The following LAMA5 variants were observed in gnomAD, a reference collection of about 807,000 sequenced individuals.
LAMA5 encodes the protein laminin subunit alpha 5.
Under a neutral mutation model 433.4 loss-of-function variants are expected in LAMA5, and 260 were observed. That is an observed-to-expected ratio of 0.60 (90% CI 0.54 to 0.66). LAMA5 has a LOEUF of 0.66. Among genes scored for constraint, LAMA5 ranks in the 30% least tolerant of loss-of-function variants. The pLI, the probability that LAMA5 is intolerant of heterozygous loss-of-function variation, is 0.00. For missense variants in LAMA5, 5,378 were observed against 5,258.5 expected, an observed-to-expected ratio of 1.02 and a Z score of -0.70; for synonymous variants, 2,620 against 2,226.6, an observed-to-expected ratio of 1.18 and a Z score of -4.97.
chr20:62,319,278 C>T (rs770471306), intron 51 of LAMA5, among the ~76,000 whole-genome samples: 38 of 152,160 alleles, frequency 2.5e-4, no homozygotes, highest in Non-Finnish European at 4.6e-4. Flanking sequence ...CCCCTCTCCG[C>T]CTGGCCCACC....
chr20:62,332,493 G>A lies in LAMA5; in HGVS notation c.3444-13C>T, dbSNP rs1406510380. ...CCGGCACAGGGTGCTGTGGGGGGAG[G>A]GTGGTCAGCAGGTGGGGCAGCCCCG... On this transcript the variant is annotated splice_polypyrimidine_tract_variant and intron_variant, in intron 27 of 79. Coordinates refer to ENST00000252999, the MANE Select transcript of LAMA5 (RefSeq NM_005560.6). The A allele has an allele frequency of 1.2e-6, 2 of 1,610,998 alleles. No homozygotes were observed. The highest frequency in any genetic ancestry group is 1.1e-5 in the South Asian group (1 of 91,006).
At chr20:62,321,075 A>AGATGGGAGT (rs1458388288) in intron 48 of LAMA5, among the ~76,000 whole-genome samples, 185 bp from the exon 49 acceptor site, 2 of 146,948 alleles carry the variant, frequency 1.4e-5, no homozygotes, top group South Asian at 2.2e-4. Context: ...GGTAGGAGTC[A>AGATGGGAGT]GATGGGAGTG....
chr20:62,324,442 A>G lies in LAMA5; in HGVS notation c.5642T>C (p.Val1881Ala). Residue 1881 changes from valine to alanine, a missense_variant and splice_region_variant, in exon 42 of 80, where the codon GTG (valine) becomes GCG (alanine). Coordinates refer to ENST00000252999, the MANE Select transcript of LAMA5 (RefSeq NM_005560.6). The surrounding 1 kb of genome is among the most constrained non-coding windows in gnomAD (Gnocchi z 4.4). ...DRCLPGSGVC[V>A]DCQHNTEGAH... ...CTGGCCCCACCAGCCCCTACTCACC[A>G]CACAGACGCCAGAGCCAGGGAGGCA... 6.2e-7 allele frequency: 1 copy of G among 1,609,954 alleles called. No homozygotes were observed. The highest frequency in any genetic ancestry group is 1.3e-5 in the African/African-American group (1 of 74,948).
chr20:62,346,892 T>C, intron 7 of LAMA5, 21 bp downstream of exon 7: 3 of 1,609,248 alleles, frequency 1.9e-6, no homozygotes, highest in Non-Finnish European at 2.5e-6. Context: ...AGGACACACG[T>C]GTGTGGGAGG....
rs1299677491 is a variant in LAMA5, at chr20:62,325,239, G to A, written c.5529+77C>T. The A allele has an allele frequency of 6.3e-6, 6 of 955,334 alleles. No homozygotes were observed. The South Asian group carries it at 1.0e-4, about 17-fold the overall frequency. 59.2% of individuals were successfully genotyped at this position (955,334 alleles called of 1,614,324 possible). On this transcript the variant is annotated intron_variant, in intron 41 of 79. Coordinates refer to ENST00000252999, the MANE Select transcript of LAMA5 (RefSeq NM_005560.6). ...ACAGGAAGTGGAGGCAGCAAGGAAG[G>A]GAACACAGGGAGGATGCTGGAGGGA...
At chr20:62,331,444 G>A (rs940540639) in intron 28 of LAMA5, among the ~76,000 whole-genome samples, 2 of 152,014 alleles carry the variant, frequency 1.3e-5, no homozygotes, top group East Asian at 1.9e-4. Context: ...AACCCCAACC[G>A]CAGACCAGCG....
At chr20:62,360,238 T>G (rs2146353571) in intron 2 of LAMA5, among the ~76,000 whole-genome samples, 1 of 131,362 alleles carries the variant, frequency 7.6e-6, no homozygotes, top group African/African-American at 2.9e-5. Flanking sequence ...ACGGTGCAGG[T>G]GTGGAGGGAG....
In LAMA5 at chr20:62,337,788, C is replaced by T. The variant is rs1472702532; in HGVS notation, c.2026+16G>A. 3 of 1,610,812 alleles carry T rather than the reference C, an allele frequency of 1.9e-6. No homozygotes were observed. Among genetic ancestry groups the T allele is most frequent in the Admixed American group, 3.3e-5 (2 of 59,938 alleles). On this transcript the variant is annotated intron_variant, in intron 15 of 79. Transcript: ENST00000252999. ...ACTGCACCTGCCTCCCCACCACTTCCTCCCTAGGCACTCACGGACACAGCT... is the reference window on the plus strand; with the variant it reads ...ACTGCACCTGCCTCCCCACCACTTCTTCCCTAGGCACTCACGGACACAGCT...
At position 62,347,033 on chromosome 20, in the gene LAMA5, G is replaced by C. The variant is rs1253236070; in HGVS notation, c.957-5C>G. The C allele has an allele frequency of 1.2e-6, 2 of 1,608,290 alleles. No individual in the cohort carries two copies. The highest frequency in any genetic ancestry group is 1.7e-6 in the Non-Finnish European group (2 of 1,177,838). ...TGCTGGCAGGTGCACTGCAGCCTGTGGGGTACACAGGAGGGGGGATCAGGC... is the reference window on the plus strand; with the variant it reads ...TGCTGGCAGGTGCACTGCAGCCTGTCGGGTACACAGGAGGGGGGATCAGGC... On this transcript the variant is annotated splice_polypyrimidine_tract_variant and splice_region_variant and intron_variant, in intron 6 of 79. Transcript: ENST00000252999.
In LAMA5 at chr20:62,317,787, A is replaced by G; in HGVS notation, c.7240-9T>C. The G allele has an allele frequency of 6.4e-7, 1 of 1,561,156 alleles. No homozygotes were observed. The highest frequency in any genetic ancestry group is 1.8e-4 in the Middle Eastern group (1 of 5,458). On this transcript the variant is annotated splice_polypyrimidine_tract_variant and intron_variant, in intron 53 of 79. Transcript: ENST00000252999. ...AGCTCCTGCTTCCTTTGCTGAAGGC[A>G]ATGCAGGGGAGTTGGGGACAATGAG...
chr20:62,318,847 C>T lies in LAMA5; in HGVS notation c.7038G>A (p.Gln2346=). ...GCCAGGGACAACACCACTCACATCT[C>T]TGTGCTGCAGCCAACTCAGCCTCAG... is the stretch of plus-strand genomic sequence containing the variant. The part of the protein sequence containing the change: ...AAAEAELAAA[Q]RLLARVQEQL... The change falls in exon 52 of 80, where the codon CAG becomes CAA. Residue 2346 remains glutamine, a synonymous_variant. Transcript: ENST00000252999. The T allele has an allele frequency of 6.2e-7, 1 of 1,610,248 alleles. No homozygotes were observed. Among genetic ancestry groups the T allele is most frequent in the East Asian group, 2.2e-5 (1 of 44,858 alleles).
At chr20:62,309,627 G>GGGGGGGA (rs1425895018) in intron 79 of LAMA5, 89 bp downstream of exon 79, 3 of 525,406 alleles carry the variant, frequency 5.7e-6, no homozygotes, top group East Asian at 4.3e-5. Context: ...GAGGGGGCAG[G>GGGGGGGA]GGGTGGAGGG....
In LAMA5 at chr20:62,346,191, G is replaced by A. The variant is rs969397741; in HGVS notation, c.1307C>T (p.Thr436Met). The A allele has an allele frequency of 7.4e-6, 12 of 1,612,178 alleles. No homozygotes were observed. Among genetic ancestry groups the A allele is most frequent in the East Asian group, 2.2e-5 (1 of 44,846 alleles). The part of the protein sequence containing the change: ...CRRCNCESDF[T>M]DGTCEDLTGR... The stretch of plus-strand genomic sequence containing the variant: ...CGTCAGGTCCTCGCAGGTGCCATCC[G>A]TGAAGTCGGACTCGCAGTTGCAGCC... Residue 436 changes from threonine (T) to methionine (M), a missense_variant, in exon 10 of 80, where the codon ACG becomes ATG. By Grantham distance (81) the Thr-to-Met change is moderately conservative. Transcript: ENST00000252999.
In LAMA5 at chr20:62,309,990, G is replaced by A. The variant is rs769109807; in HGVS notation, c.10826C>T (p.Ala3609Val). The A allele has an allele frequency of 3.2e-5, 52 of 1,610,062 alleles. No individual in the cohort carries two copies. The highest frequency in any genetic ancestry group is 2.3e-4 in the Admixed American group (14 of 59,944). The change falls in exon 78 of 80, where the codon GCG (alanine) becomes GTG (valine). Residue 3609 changes from alanine (A) to valine (V), a missense_variant and splice_region_variant. Coordinates refer to ENST00000252999, the MANE Select transcript of LAMA5 (RefSeq NM_005560.6). The stretch of plus-strand genomic sequence containing the variant: ...CCTGGCCACAGGAGGGGCCTCACCC[G>A]CTAGCCGGTGCCACTGGCCATCACA... ...VLCDGQWHRL[A>V]VMKSGNVLRL...
Position 62,314,336 on chromosome 20 carries a change from A to C in LAMA5, c.8472T>G (p.Ile2824Met), listed in dbSNP as rs541008807. The C allele has an allele frequency of 5.6e-6, 9 of 1,613,280 alleles. No individual in the cohort carries two copies. The Admixed American group carries it at 1.3e-4, about 24-fold the overall frequency. Reference sequence around the variant, plus strand: ...GGCTGACAGCTGCGAACTGCTCCCCAATGTCCTCATCGATGCTTAGGACTG... The same window carrying C: ...GGCTGACAGCTGCGAACTGCTCCCCCATGTCCTCATCGATGCTTAGGACTG... ...GPAVLSIDED[I>M]GEQFAAVSLD... is the part of the protein sequence containing the mutation. Residue 2824 changes from isoleucine to methionine, a missense_variant, in exon 62 of 80, where the codon ATT becomes ATG. Physicochemically the swap from Ile to Met is conservative, Grantham distance 10 (BLOSUM62 1). Transcript: ENST00000252999.
intron 2 of LAMA5, among the ~76,000 whole-genome samples, chr20:62,355,039 G>C (rs903507582): frequency 1.3e-5 from 2 of 152,198 alleles, no homozygotes; most frequent in Non-Finnish European, 2.9e-5. Flanking sequence ...CCCCTGACGG[G>C]CCCACAGGGT....
At position 62,351,922 on chromosome 20, in the gene LAMA5, G is replaced by C; in HGVS notation, c.845C>G (p.Thr282Arg). Residue 282 changes from threonine to arginine, a missense_variant, in exon 5 of 80, where the codon ACG (threonine) becomes AGG (arginine). Physicochemically the swap from Thr to Arg is moderately conservative, Grantham distance 71 (BLOSUM62 -1). Coordinates refer to ENST00000252999, the MANE Select transcript of LAMA5 (RefSeq NM_005560.6). Reference protein sequence around the residue: ...HLMGKALRDPTVTRRYYYSIK... With the variant: ...HLMGKALRDPRVTRRYYYSIK... ...TGGGCAGCTCACCCGGCGGGTGACC[G>C]TGGGGTCCCGCAGCGCCTTCCCCAT... 6.2e-7 allele frequency: 1 copy of C among 1,606,332 alleles called. No individual in the cohort carries two copies. The highest frequency in any genetic ancestry group is 8.5e-7 in the Non-Finnish European group (1 of 1,177,390).
intron 51 of LAMA5, among the ~76,000 whole-genome samples, chr20:62,319,465 G>C (rs1354388648): frequency 6.6e-6 from 1 of 152,160 alleles, no homozygotes; most frequent in Non-Finnish European, 1.5e-5. Flanking sequence ...TGGGGAGGCT[G>C]TCGAGGGGTC....
intron 48 of LAMA5, among the ~76,000 whole-genome samples, chr20:62,321,714 A>AGAGGGGGGGGGCCAGTG (rs1568918842): frequency 2.1e-4 from 5 of 23,944 alleles, no homozygotes; most frequent in Admixed American, 5.1e-4. Context: ...CAGGGCCAGC[A>AGAGGGGGGGGGCCAGTG]GAGGGGTGGG....
Sources: allele counts gnomAD v4.1 joint callset (sites outside exome capture counted in the v4.1 genomes callset), GRCh38; gene constraint gnomAD v4.1.1; non-coding constraint Gnocchi (gnomAD v3.1); transcripts MANE v1.5; gene names NCBI Gene and HGNC (gene_info 2026-07-23, HGNC 2026-07-21).